MGAT4C: variants seen among roughly 807,000 people sequenced by gnomAD.
The protein encoded by MGAT4C is MGAT4 family member C, also known as alpha-1,3-mannosyl-glycoprotein 4-beta-N-acetylglucosaminyltransferase C.
A neutral mutation model predicts 40.1 loss-of-function variants in MGAT4C; 19 were observed. That is an observed-to-expected ratio of 0.47 (90% CI 0.33 to 0.70). The LOEUF (loss-of-function observed/expected upper bound fraction) is 0.70, where lower values mean the gene tolerates loss of function less well. Ranked by LOEUF, MGAT4C falls within the 30% of genes least tolerant of loss-of-function variation. The pLI is 0.02. For missense variants in MGAT4C, 491 were observed against 563.2 expected (o/e 0.87, Z 1.30); for synonymous variants, 181 against 187.1 (o/e 0.97, Z 0.27).
intron 1 of MGAT4C, among the ~76,000 whole-genome samples, chr12:86,774,290 T>C (rs1470808586): frequency 3.5e-4 from 9 of 26,084 alleles, no homozygotes. Context: ...GCTCTTTCTT[T>C]CTTTCTTTCT....
intron 1 of MGAT4C, among the ~76,000 whole-genome samples, chr12:86,247,826 C>T (rs144693439): frequency 2.2e-4 from 34 of 152,024 alleles, no homozygotes; most frequent in East Asian, 1.6e-3. Context: ...TTATCCTGTA[C>T]GTAATGGAAG....
At chr12:86,537,301 A>G (rs1454743725) in intron 2 of MGAT4C, among the ~76,000 whole-genome samples, 3 of 152,114 alleles carry the variant, frequency 2.0e-5, no homozygotes, top group Non-Finnish European at 4.4e-5. Flanking sequence ...CAGCACACCA[A>G]CATGGCACAT....
At chr12:86,398,994 C>T (rs910306529) in intron 3 of MGAT4C, among the ~76,000 whole-genome samples, 4 of 152,176 alleles carry the variant, frequency 2.6e-5, no homozygotes, top group South Asian at 2.1e-4. Context: ...TTTTTTGAGA[C>T]GGAGTCTCAC....
At chr12:86,241,776 T>C (rs1218572203) in intron 1 of MGAT4C, among the ~76,000 whole-genome samples, 2 of 152,154 alleles carry the variant, frequency 1.3e-5, no homozygotes, top group Admixed American at 6.6e-5. Flanking sequence ...ATGTAACTTC[T>C]TCCAACCTTC....
intron 2 of MGAT4C, among the ~76,000 whole-genome samples, chr12:86,656,740 T>C (rs1963860829): frequency 6.6e-6 from 1 of 152,042 alleles, no homozygotes; most frequent in Non-Finnish European, 1.5e-5. Context: ...AACACAAACA[T>C]CTTTTGGTAC....
intron 1 of MGAT4C, among the ~76,000 whole-genome samples, chr12:86,113,968 G>A (rs17284624): frequency 0.075 from 11,410 of 151,846 alleles, 584 homozygotes; most frequent in Middle Eastern, 0.21. Context: ...AGAAATCTTA[G>A]CAGTCCAAAG....
chr12:86,738,241 A>C (rs1407507158), intron 1 of MGAT4C, among the ~76,000 whole-genome samples: 1 of 151,312 alleles, frequency 6.6e-6, no homozygotes, highest in Non-Finnish European at 1.5e-5. Flanking sequence ...TTCTCTTCTC[A>C]CACATATTTG....
chr12:86,041,867 G>T (rs747540996), intron 2 of MGAT4C, among the ~76,000 whole-genome samples: 1 of 152,140 alleles, frequency 6.6e-6, no homozygotes, highest in Admixed American at 6.6e-5. Flanking sequence ...GAATATCTTC[G>T]TTAGTTTTCT....
intron 1 of MGAT4C, among the ~76,000 whole-genome samples, chr12:86,102,994 G>T (rs896720362): frequency 6.6e-6 from 1 of 152,066 alleles, no homozygotes; most frequent in Non-Finnish European, 1.5e-5. Context: ...TTTATAAAAA[G>T]AAATACATTC....
chr12:86,673,054 C>T (rs1964300205), intron 2 of MGAT4C, among the ~76,000 whole-genome samples: 1 of 152,088 alleles, frequency 6.6e-6, no homozygotes, highest in African/African-American at 2.4e-5. Context: ...TAATTTATCT[C>T]ATAATAGTTC....
In MGAT4C at chr12:86,507,730, T is replaced by C. The variant is rs7954045; in HGVS notation, c.-228-72465A>G. Among the ~76,000 whole-genome samples, 522 of 152,338 alleles carry C rather than the reference T, an allele frequency of 3.4e-3. 5 individuals carry two copies. Among genetic ancestry groups the C allele is most frequent in the African/African-American group, 0.012 (505 of 41,584 alleles). ...TTGGGGTTTCCCTCTTATGCAATAT[T>C]ATTGTGGCAATAGTTTACTGAATCT... On this transcript the variant is annotated intron_variant, in intron 2 of 7. Coordinates refer to the MGAT4C transcript ENST00000548651.
At chr12:86,400,520 T>C (rs138894056) in intron 3 of MGAT4C, among the ~76,000 whole-genome samples, 3 of 152,276 alleles carry the variant, frequency 2.0e-5, no homozygotes, top group African/African-American at 7.2e-5. Flanking sequence ...TGGTAAGCCA[T>C]TTTAGACCAA....
At position 86,408,082 on chromosome 12, in the gene MGAT4C, A is replaced by T. The variant is rs375726397; in HGVS notation, c.-120+27075T>A. Among the ~76,000 whole-genome samples the T allele has an allele frequency of 3.3e-5, 5 of 151,492 alleles. No individual in the cohort carries two copies. In the East Asian group the frequency reaches 9.7e-4, roughly 29 times the overall value. ...TCTTCCTGTAATTGATGGTATCAAG[A>T]CACACACACACACATACACGCACAC... is the stretch of plus-strand genomic sequence containing the variant. On this transcript the variant is annotated intron_variant, in intron 3 of 7. Coordinates refer to the MGAT4C transcript ENST00000548651.
At chr12:86,766,286 G>A (rs1951506229) in intron 1 of MGAT4C, among the ~76,000 whole-genome samples, 1 of 151,904 alleles carries the variant, frequency 6.6e-6, no homozygotes, top group South Asian at 2.1e-4. Context: ...ATTACATAAT[G>A]GTAAAGGGAT....
At chr12:86,762,448 C>G (rs1323611509) in intron 1 of MGAT4C, among the ~76,000 whole-genome samples, 2 of 152,144 alleles carry the variant, frequency 1.3e-5, no homozygotes, top group Non-Finnish European at 2.9e-5. Flanking sequence ...TCATTTCTTA[C>G]TGGCTGTGGG....
chr12:86,413,325 G>A (rs1956643311), intron 3 of MGAT4C, among the ~76,000 whole-genome samples: 1 of 152,042 alleles, frequency 6.6e-6, no homozygotes, highest in Non-Finnish European at 1.5e-5. Flanking sequence ...GCTAATAGGA[G>A]GCAAAGAAGC....
intron 2 of MGAT4C, among the ~76,000 whole-genome samples, chr12:86,716,677 A>C (rs1374753886): frequency 1.3e-5 from 2 of 152,124 alleles, no homozygotes; most frequent in Non-Finnish European, 2.9e-5. Context: ...ATATATTTGA[A>C]TGCTCTGTGC....
intron 2 of MGAT4C, among the ~76,000 whole-genome samples, chr12:86,632,294 T>A (rs1273384415): frequency 6.6e-6 from 1 of 152,128 alleles, no homozygotes; most frequent in African/African-American, 2.4e-5. Context: ...AGGAATGCTT[T>A]TACACTGTTG....
At chr12:86,802,341 T>C (rs976761108) in intron 1 of MGAT4C, among the ~76,000 whole-genome samples, 1 of 151,954 alleles carries the variant, frequency 6.6e-6, no homozygotes, top group Non-Finnish European at 1.5e-5. Flanking sequence ...AGTCCAAAAA[T>C]ATAACTAAAT....
Sources: allele counts gnomAD v4.1 joint callset (sites outside exome capture counted in the v4.1 genomes callset), GRCh38; gene constraint gnomAD v4.1.1; transcripts MANE v1.5; gene names NCBI Gene and HGNC (gene_info 2026-07-23, HGNC 2026-07-21).